The following ZFP1 variants were observed in gnomAD, a reference collection of about 807,000 sequenced individuals.
The protein encoded by ZFP1 is ZFP1 zinc finger protein, also known as zinc finger protein 1 homolog.
ZFP1 carries 32 observed loss-of-function variants against 38.5 expected under a neutral mutation model. That is an observed-to-expected ratio of 0.83 (90% confidence interval 0.63 to 1.12). The LOEUF (loss-of-function observed/expected upper bound fraction) is 1.12. Among genes scored for constraint, ZFP1 ranks in the 50% most tolerant of loss-of-function variants. The pLI, the probability that ZFP1 is intolerant of heterozygous loss-of-function variation, is 0.00. For missense variants in ZFP1, 616 were observed against 480.8 expected (o/e 1.28, Z -2.63); for synonymous variants, 245 against 168.8 (o/e 1.45, Z -3.50).
chr16:75,160,162 G>A (rs147651381), intron 2 of ZFP1, among the ~76,000 whole-genome samples: 31 of 152,168 alleles, frequency 2.0e-4, no homozygotes, highest in Admixed American at 4.6e-4. Flanking sequence ...CTTCTGTAGC[G>A]CCATCATCCT....
rs113808488 is a variant in ZFP1, at chr16:75,160,441, C to A, written c.16-6329C>A. Reference sequence around the variant, plus strand: ...CTAAACCCCATCTATACTAAAAATACAAAATTTAGCCAAGTGTGGTGGCTA... The same window carrying A: ...CTAAACCCCATCTATACTAAAAATAAAAAATTTAGCCAAGTGTGGTGGCTA... On this transcript the variant is annotated intron_variant, in intron 2 of 3. Coordinates refer to ENST00000570010, the MANE Select transcript of ZFP1 (RefSeq NM_153688.4). Among the ~76,000 whole-genome samples, 440 of 151,770 alleles carry A rather than the reference C, an allele frequency of 2.9e-3. 3 individuals are homozygous for A. The highest frequency in any genetic ancestry group is 9.9e-3 in the African/African-American group (408 of 41,304).
chr16:75,169,170 G>C (rs1380495190), intron 3 of ZFP1, 83 bp from the exon 4 acceptor site: 1 of 1,473,962 alleles, frequency 6.8e-7, no homozygotes, highest in Non-Finnish European at 9.0e-7. Flanking sequence ...CCCTGTGATA[G>C]AACACGTGTG....
chr16:75,147,452 AT>A (rs34096115), upstream of ZFP1, among the ~76,000 whole-genome samples: 96 of 140,872 alleles, frequency 6.8e-4, 1 homozygote, highest in East Asian at 1.7e-3. Flanking sequence ...TAATTTTTGT[AT>A]TTTTTTTTTT....
chr16:75,145,651 A>G (rs2036935106), upstream of ZFP1, among the ~76,000 whole-genome samples: 1 of 152,210 alleles, frequency 6.6e-6, no homozygotes, highest in African/African-American at 2.4e-5. Flanking sequence ...GCAATTGAGC[A>G]TTGAAGAGGT....
upstream of ZFP1, among the ~76,000 whole-genome samples, chr16:75,144,947 G>C (rs566293058): frequency 2.6e-5 from 4 of 152,020 alleles, no homozygotes; most frequent in Admixed American, 2.6e-4. Context: ...TTCCTGCCTC[G>C]GCCTCCTGAG....
chr16:75,150,175 G>A (rs967235840), intron 1 of ZFP1, among the ~76,000 whole-genome samples: 6 of 147,748 alleles, frequency 4.1e-5, no homozygotes, highest in Non-Finnish European at 7.4e-5. Context: ...AGATTGTATT[G>A]CATAATTTCC....
chr16:75,143,389 A>G, the ZFP1 span, among the ~76,000 whole-genome samples: 1 of 152,030 alleles, frequency 6.6e-6, no homozygotes, highest in African/African-American at 2.4e-5. Flanking sequence ...CTCCAGGTGC[A>G]TGCCACCAGG....
In ZFP1 at chr16:75,172,138, C is replaced by T. The variant is rs568675597; in HGVS notation, c.*1804C>T. ...TGAAAAGAATGTGTGGGAACAAACT[C>T]CAAACTTCTCTAGGTCAAATGAGGA... is the stretch of plus-strand genomic sequence containing the variant. On this transcript the variant is annotated 3_prime_UTR_variant, in exon 4 of 4. Transcript: ENST00000570010. 2 of 152,230 alleles carry T rather than the reference C, an allele frequency of 1.3e-5. No homozygotes were observed. The highest frequency in any genetic ancestry group is 1.3e-4 in the Admixed American group (2 of 15,284). 9.4% of individuals were successfully genotyped at this position (152,230 alleles called of 1,614,324 possible).
At chr16:75,157,002 C>T (rs1251150034) in intron 2 of ZFP1, 3 of 152,240 alleles carry the variant, frequency 2.0e-5, no homozygotes, top group Non-Finnish European at 2.9e-5. Context: ...TTTTGAATCA[C>T]TGTGTTCCAG....
At chr16:75,140,762 A>G in the ZFP1 span, among the ~76,000 whole-genome samples, 7 of 152,322 alleles carry the variant, frequency 4.6e-5, no homozygotes, top group East Asian at 1.4e-3. Context: ...GATCGAGACC[A>G]TCCTGGCTAA....
At chr16:75,121,975 G>T in the ZFP1 span, among the ~76,000 whole-genome samples, 253 of 152,270 alleles carry the variant, frequency 1.7e-3, no homozygotes, top group African/African-American at 5.4e-3. Context: ...TCTCATAGGG[G>T]TTACAAAACT....
At chr16:75,132,883 CTCCTGACCTCAGGTGA>C in the ZFP1 span, among the ~76,000 whole-genome samples, 1 of 151,604 alleles carries the variant, frequency 6.6e-6, no homozygotes, top group Non-Finnish European at 1.5e-5. Context: ...TGGTCTCAAA[CTCCTGACCTCAGGTGA>C]TCCATCCACC....
At chr16:75,131,647 T>C in the ZFP1 span, among the ~76,000 whole-genome samples, 5 of 152,216 alleles carry the variant, frequency 3.3e-5, no homozygotes, top group Non-Finnish European at 7.4e-5. Flanking sequence ...CTCGGTTCGT[T>C]GCTTACCTGG....
At chr16:75,143,170 T>C in the ZFP1 span, among the ~76,000 whole-genome samples, 816 of 152,182 alleles carry the variant, frequency 5.4e-3, 5 homozygotes, top group African/African-American at 0.018. Context: ...AAAAAAGATA[T>C]AGAGGGGAAA....
chr16:75,141,128 T>G, the ZFP1 span, among the ~76,000 whole-genome samples: 2 of 152,114 alleles, frequency 1.3e-5, no homozygotes, highest in Admixed American at 1.3e-4. Flanking sequence ...TGACTTTCTC[T>G]GGTTCACAGT....
chr16:75,123,130 G>C, the ZFP1 span, among the ~76,000 whole-genome samples: 1 of 151,698 alleles, frequency 6.6e-6, no homozygotes, highest in Non-Finnish European at 1.5e-5. Context: ...AAGGCGAGTG[G>C]ATCACGTGAG....
the ZFP1 span, among the ~76,000 whole-genome samples, chr16:75,143,156 TA>T: frequency 1.3e-5 from 2 of 151,098 alleles, no homozygotes; most frequent in Non-Finnish European, 1.5e-5. Flanking sequence ...AAATGGCAAA[TA>T]AAAAAAAAGA....
Position 75,154,703 on chromosome 16 carries a change from A to G in ZFP1, c.15+1737A>G, listed in dbSNP as rs572551215. ...GGGGGGCTCCAAAGCCGAGAGAGGGAACCTCCTGAATGAGAGTTTCTACGG... is the reference window on the plus strand; with the variant it reads ...GGGGGGCTCCAAAGCCGAGAGAGGGGACCTCCTGAATGAGAGTTTCTACGG... On this transcript the variant is annotated intron_variant, in intron 2 of 3. Coordinates refer to ENST00000570010, the MANE Select transcript of ZFP1 (RefSeq NM_153688.4). Among the ~76,000 whole-genome samples, 5 of 151,910 alleles carry G rather than the reference A, an allele frequency of 3.3e-5. No individual in the cohort carries two copies. The East Asian group carries it at 9.7e-4, about 29-fold the overall frequency.
chr16:75,152,779 G>GTT, intron 1 of ZFP1, 130 bp from the exon 2 acceptor site: 1 of 744,014 alleles, frequency 1.3e-6, no homozygotes. Context: ...CTTCTGAAGA[G>GTT]GCAAAGGGAC....
Sources: gnomAD v4.1 joint callset for allele counts (sites outside exome capture counted in the v4.1 genomes callset) on GRCh38, gnomAD v4.1.1 for gene constraint, MANE v1.5 for transcripts, NCBI Gene and HGNC (gene_info 2026-07-23, HGNC 2026-07-21) for gene names.